The following NCAPD3 variants were observed in gnomAD, a reference collection of about 807,000 sequenced individuals.
The protein encoded by NCAPD3 is condensin-2 complex subunit D3.
Under a neutral mutation model 182.9 loss-of-function variants are expected in NCAPD3, and 105 were observed. The ratio of observed to expected loss-of-function variants is 0.57; its 90% CI spans 0.49 to 0.68. The LOEUF is 0.68. Ranked by LOEUF, NCAPD3 falls within the 30% of genes least tolerant of loss-of-function variation. The pLI is 0.00. For synonymous variants in NCAPD3, 815 were observed against 679.9 expected (o/e 1.20, Z -3.09); for missense variants, 1,944 against 1,837.0 (o/e 1.06, Z -1.07).
At chr11:134,167,103 G>C (rs1943851032) in intron 27 of NCAPD3, among the ~76,000 whole-genome samples, 1 of 109,656 alleles carries the variant, frequency 9.1e-6, no homozygotes, top group Non-Finnish European at 1.8e-5. Flanking sequence ...GATGAGCTTG[G>C]GGGAGCTGCA....
chr11:134,178,794 C>T, intron 21 of NCAPD3, 28 bp downstream of exon 21: 1 of 1,612,608 alleles, frequency 6.2e-7, no homozygotes, highest in Non-Finnish European at 8.5e-7. Flanking sequence ...GGCATGCGTG[C>T]TACAGAGTAT....
At chr11:134,164,114 G>A (rs570472111) in intron 27 of NCAPD3, among the ~76,000 whole-genome samples, 9 of 152,108 alleles carry the variant, frequency 5.9e-5, no homozygotes, top group African/African-American at 1.2e-4. Context: ...AGGCCAGGTG[G>A]GAAATACACA....
rs766281455 is a variant in NCAPD3, at chr11:134,168,541, T to C, written c.3301A>G (p.Lys1101Glu). The change falls in exon 26 of 35, where the codon AAA becomes GAA. Residue 1101 changes from lysine (K) to glutamate (E), a missense_variant. Around this residue, in one of 3 missense-constraint regions of NCAPD3, gnomAD observed 1,803 missense variants for 1,674.6 expected, o/e 1.08. Coordinates refer to ENST00000534548, the MANE Select transcript of NCAPD3 (RefSeq NM_015261.3). ...TCTGTGAAGTGCTCTAGAAGAAATT[T>C]GTAGATTTTCATTCGTCTCTCTTTG... Reference protein sequence around the residue: ...SNKERRMKIYKFLLEHFTDEQ... With the variant: ...SNKERRMKIYEFLLEHFTDEQ... The C allele has an allele frequency of 3.1e-6, 5 of 1,614,190 alleles. No homozygotes were observed. In the Admixed American group the frequency reaches 5.0e-5, roughly 16 times the overall value.
chr11:134,224,900 G>A (rs1293386544), upstream of NCAPD3: 1 of 194,964 alleles, frequency 5.1e-6, no homozygotes, highest in Non-Finnish European at 1.0e-5. Context: ...TGCTGCTCGG[G>A]CGCCGCAGCC....
Position 134,203,685 on chromosome 11 carries a change from C to T in NCAPD3, c.1437G>A (p.Ala479=), listed in dbSNP as rs568778268. ...TCAGGAGCTCCAGGATACTCTCCGA[C>T]GCACTGGTAACAGTCAACTCCAGAC... ...AHCLELTVTS[A]SESILELLIN... is the part of the protein sequence containing the mutation. The change falls in exon 11 of 35, where the codon GCG becomes GCA. Residue 479 remains alanine (A), a synonymous_variant. Transcript: ENST00000534548. 13 of 1,613,804 alleles carry T rather than the reference C, an allele frequency of 8.1e-6. No individual in the cohort carries two copies. The highest frequency in any genetic ancestry group is 5.0e-5 in the Admixed American group (3 of 60,032).
At chr11:134,168,316 T>A (rs1318207665) in intron 26 of NCAPD3, 121 bp from the exon 27 acceptor site, 1 of 1,464,692 alleles carries the variant, frequency 6.8e-7, no homozygotes, top group Non-Finnish European at 9.5e-7. Flanking sequence ...AAGGGTGTTT[T>A]GTCTGGGGCA....
chr11:134,222,612 T>C (rs1010543848), intron 1 of NCAPD3, among the ~76,000 whole-genome samples: 2 of 152,234 alleles, frequency 1.3e-5, no homozygotes, highest in African/African-American at 2.4e-5. Context: ...ATTTTTGCTA[T>C]GGATGAGTGT....
chr11:134,162,581 T>TA (rs1943617147), intron 27 of NCAPD3, among the ~76,000 whole-genome samples: 1 of 152,222 alleles, frequency 6.6e-6, no homozygotes, highest in African/African-American at 2.4e-5. Context: ...TTAAAGTCAC[T>TA]AGTGTATGTT....
chr11:134,166,655 A>G, intron 27 of NCAPD3, among the ~76,000 whole-genome samples: 1 of 79,654 alleles, frequency 1.3e-5, no homozygotes. Flanking sequence ...GGGGAGCAGC[A>G]CACTCACTTG....
At chr11:134,216,802 C>G in intron 3 of NCAPD3, 134 bp downstream of exon 3, 2 of 811,794 alleles carry the variant, frequency 2.5e-6, no homozygotes, top group African/African-American at 1.8e-5. Context: ...ACTTGCTCCT[C>G]GCAACAACTC....
chr11:134,170,338 ATTATG>A (rs1272137069), intron 24 of NCAPD3, among the ~76,000 whole-genome samples: 2 of 152,244 alleles, frequency 1.3e-5, no homozygotes, highest in Non-Finnish European at 2.9e-5. Context: ...CTTTGTACAA[ATTATG>A]TTGTTTAATG....
At chr11:134,198,842 A>C (rs1025044979) in intron 13 of NCAPD3, among the ~76,000 whole-genome samples, 6 of 152,230 alleles carry the variant, frequency 3.9e-5, no homozygotes, top group African/African-American at 1.2e-4. Flanking sequence ...GAGCAATTTA[A>C]TTTGCAATAC....
At chr11:134,188,364 G>T (rs1023949436) in intron 16 of NCAPD3, among the ~76,000 whole-genome samples, 1 of 152,222 alleles carries the variant, frequency 6.6e-6, no homozygotes, top group Admixed American at 6.5e-5. Context: ...CAATTAGCAG[G>T]ACATGGGCGG....
At chr11:134,170,619 G>A (rs889308845) in intron 24 of NCAPD3, among the ~76,000 whole-genome samples, 4 of 152,238 alleles carry the variant, frequency 2.6e-5, no homozygotes, top group African/African-American at 9.6e-5. Flanking sequence ...GGTTCCCTCT[G>A]AGTTTGGACT....
At chr11:134,220,171 T>C (rs1938173547) in intron 2 of NCAPD3, among the ~76,000 whole-genome samples, 1 of 151,950 alleles carries the variant, frequency 6.6e-6, no homozygotes, top group Non-Finnish European at 1.5e-5. Flanking sequence ...TTCTTGTTTT[T>C]GCCTTTATAT....
intron 2 of NCAPD3, among the ~76,000 whole-genome samples, chr11:134,220,268 G>C (rs531374358): frequency 1.3e-5 from 2 of 150,558 alleles, no homozygotes; most frequent in South Asian, 4.2e-4. Flanking sequence ...CAACTGGCCA[G>C]CCTCAGCCTC....
At chr11:134,205,753 T>C (rs1937599559) in intron 8 of NCAPD3, among the ~76,000 whole-genome samples, 2 of 152,228 alleles carry the variant, frequency 1.3e-5, no homozygotes, top group Admixed American at 1.3e-4. Flanking sequence ...ATGAAGACTA[T>C]TGCGACTGGC....
At chr11:134,221,332 T>C (rs1938218306) in intron 1 of NCAPD3, among the ~76,000 whole-genome samples, 1 of 152,146 alleles carries the variant, frequency 6.6e-6, no homozygotes, top group African/African-American at 2.4e-5. Context: ...CAATCTCTCT[T>C]AACTCTAAAT....
chr11:134,173,282 G>T, intron 24 of NCAPD3: 1 of 154,330 alleles, frequency 6.5e-6, no homozygotes, highest in South Asian at 1.8e-4. Context: ...GCGGGGGATG[G>T]TGGGGACAGC....
Sources: allele counts gnomAD v4.1 joint callset (sites outside exome capture counted in the v4.1 genomes callset), GRCh38; gene constraint gnomAD v4.1.1; regional missense constraint gnomAD v4.1.1; transcripts MANE v1.5; gene names NCBI Gene and HGNC (gene_info 2026-07-23, HGNC 2026-07-21).